The following CCDC138 variants were observed in gnomAD, a reference collection of about 807,000 sequenced individuals.
CCDC138 encodes coiled-coil domain-containing protein 138.
Under a neutral mutation model 82.3 loss-of-function variants are expected in CCDC138, and 66 were observed. The observed-to-expected ratio is 0.80, with a 90% confidence interval of 0.66 to 0.98. CCDC138 has a LOEUF of 0.98. CCDC138 is among the 50% of genes least tolerant of loss of function. The pLI is 0.00. For synonymous variants in CCDC138, 297 were observed against 265.4 expected, an observed-to-expected ratio of 1.12 and a Z score of -1.16; for missense variants, 816 against 758.9, an observed-to-expected ratio of 1.08 and a Z score of -0.88.
At chr2:108,798,185 C>T (rs1188816176) in intron 5 of CCDC138, among the ~76,000 whole-genome samples, 1 of 152,058 alleles carries the variant, frequency 6.6e-6, no homozygotes, top group African/African-American at 2.4e-5. Context: ...CCATTTTGGA[C>T]CCTAAATTCT....
chr2:108,841,606 T>G (rs1177255744), intron 11 of CCDC138, among the ~76,000 whole-genome samples: 1 of 152,204 alleles, frequency 6.6e-6, no homozygotes, highest in Non-Finnish European at 1.5e-5. Flanking sequence ...CTTTTCCCAG[T>G]CTTTTTCTTT....
At chr2:108,831,166 G>A (rs1421942604) in intron 10 of CCDC138, among the ~76,000 whole-genome samples, 3 of 151,402 alleles carry the variant, frequency 2.0e-5, no homozygotes, top group African/African-American at 4.9e-5. Flanking sequence ...GTTATAGAGC[G>A]GGACTCTGTC....
intron 11 of CCDC138, among the ~76,000 whole-genome samples, chr2:108,841,579 A>C (rs1689489097): frequency 6.6e-6 from 1 of 152,196 alleles, no homozygotes; most frequent in Non-Finnish European, 1.5e-5. Context: ...CATTTGATTC[A>C]TGTTCTAAAA....
At chr2:108,878,258 TCTTC>T (rs1447126798), downstream of CCDC138, 1 of 156,688 alleles carries the variant, frequency 6.4e-6, no homozygotes, top group African/African-American at 2.4e-5. Context: ...GCCCCCTCGC[TCTTC>T]CTTCCTCCAT....
intron 13 of CCDC138, among the ~76,000 whole-genome samples, chr2:108,870,486 C>G (rs750464856): frequency 1.3e-5 from 2 of 152,086 alleles, no homozygotes; most frequent in Non-Finnish European, 2.9e-5. Flanking sequence ...AGGAAAGACA[C>G]GGCTCTACAA....
intron 11 of CCDC138, among the ~76,000 whole-genome samples, chr2:108,839,813 A>G (rs947401309): frequency 1.3e-5 from 2 of 151,958 alleles, no homozygotes; most frequent in African/African-American, 4.8e-5. Flanking sequence ...TGCAAATGAA[A>G]ACAGTGTTGT....
At chr2:108,870,228 C>T (rs1695020670) in intron 13 of CCDC138, among the ~76,000 whole-genome samples, 1 of 152,066 alleles carries the variant, frequency 6.6e-6, no homozygotes, top group African/African-American at 2.4e-5. Flanking sequence ...GAAAAATTTA[C>T]TAGAAGAGTT....
intron 11 of CCDC138, among the ~76,000 whole-genome samples, chr2:108,843,844 TTGTGTGTGTGTG>T (rs71383805): frequency 8.8e-5 from 2 of 22,838 alleles, no homozygotes; most frequent in African/African-American, 1.3e-4. Context: ...AGTTCATGTT[TTGTGTGTGTGTG>T]TGTGTGTGTG....
downstream of CCDC138, among the ~76,000 whole-genome samples, chr2:108,877,422 C>T (rs947227763): frequency 5.9e-5 from 9 of 152,052 alleles, no homozygotes; most frequent in African/African-American, 2.2e-4. Context: ...GCCAAGATCA[C>T]GCCATTGCAC....
chr2:108,827,879 CT>C (rs564603293), intron 10 of CCDC138, among the ~76,000 whole-genome samples: 184 of 150,906 alleles, frequency 1.2e-3, no homozygotes, highest in African/African-American at 4.4e-3. Context: ...ATCACTGTTC[CT>C]GAAAAAAATT....
chr2:108,846,725 A>G lies in CCDC138; in HGVS notation c.1324-13A>G, dbSNP rs187379680. On this transcript the variant is annotated splice_polypyrimidine_tract_variant and intron_variant, in intron 11 of 14. Transcript: ENST00000295124. Reference sequence around the variant, plus strand: ...ATGAATAAATATACTAAGATTGTACATATTTTTAACAGCACTCGACTATGA... The same window carrying G: ...ATGAATAAATATACTAAGATTGTACGTATTTTTAACAGCACTCGACTATGA... 472 of 1,592,430 alleles carry G rather than the reference A, an allele frequency of 3.0e-4. 1 individual carries two copies. The African/African-American group carries it at 5.8e-3, about 19-fold the overall frequency.
At chr2:108,815,888 G>A (rs1200080381) in intron 9 of CCDC138, 53 bp from the exon 10 acceptor site, 36 of 1,453,836 alleles carry the variant, frequency 2.5e-5, no homozygotes, top group Non-Finnish European at 3.2e-5. Context: ...GTTTGTCTTT[G>A]AAGTTTTATG....
At chr2:108,806,837 G>A (rs962463086) in intron 7 of CCDC138, among the ~76,000 whole-genome samples, 9 of 152,170 alleles carry the variant, frequency 5.9e-5, no homozygotes, top group African/African-American at 1.9e-4. Flanking sequence ...ATTAAGTCTA[G>A]CCAAGCTGAG....
At chr2:108,865,354 A>T (rs908798593) in intron 13 of CCDC138, among the ~76,000 whole-genome samples, 1 of 152,192 alleles carries the variant, frequency 6.6e-6, no homozygotes, top group Non-Finnish European at 1.5e-5. Context: ...GGTAGTAGTG[A>T]TTTCAAATTC....
At chr2:108,844,850 C>T (rs933792188) in intron 11 of CCDC138, among the ~76,000 whole-genome samples, 3 of 151,290 alleles carry the variant, frequency 2.0e-5, no homozygotes, top group African/African-American at 7.3e-5. Flanking sequence ...CAGGTTCAAG[C>T]GATTCTCCTG....
At chr2:108,880,891 G>A (rs926516694), downstream of CCDC138, among the ~76,000 whole-genome samples, 5 of 152,140 alleles carry the variant, frequency 3.3e-5, no homozygotes, top group African/African-American at 7.2e-5. Context: ...GAACCAAAAC[G>A]TAATTTCAAC....
chr2:108,841,993 A>G (rs957343213), intron 11 of CCDC138, among the ~76,000 whole-genome samples: 20 of 152,040 alleles, frequency 1.3e-4, no homozygotes, highest in African/African-American at 4.6e-4. Flanking sequence ...AATGATTAGA[A>G]GTCATAGAAG....
At chr2:108,807,692 A>T (rs1226921415) in intron 7 of CCDC138, among the ~76,000 whole-genome samples, 1 of 152,090 alleles carries the variant, frequency 6.6e-6, no homozygotes, top group East Asian at 1.9e-4. Flanking sequence ...ATCTCGGCTC[A>T]CTGCAACCTC....
intron 7 of CCDC138, among the ~76,000 whole-genome samples, chr2:108,807,123 T>A (rs1245294448): frequency 6.6e-6 from 1 of 152,056 alleles, no homozygotes; most frequent in African/African-American, 2.4e-5. Context: ...TAACTGAGAA[T>A]GAAGAAAAAA....
Sources: gnomAD v4.1 joint callset for allele counts (sites outside exome capture counted in the v4.1 genomes callset) on GRCh38, gnomAD v4.1.1 for gene constraint, MANE v1.5 for transcripts, NCBI Gene and HGNC (gene_info 2026-07-23, HGNC 2026-07-21) for gene names.